Variants in TLL2 observed in about 807,000 individuals in gnomAD.
The protein encoded by TLL2 is tolloid like 2, also known as tolloid-like protein 2.
TLL2 carries 106 observed loss-of-function variants against 123.0 expected under a neutral mutation model. The ratio of observed to expected loss-of-function variants is 0.86; its 90% CI spans 0.74 to 1.01. TLL2 has a LOEUF of 1.01. Ranked by LOEUF, TLL2 falls within the 50% of genes least tolerant of loss-of-function variation. The pLI is 0.00. For missense variants in TLL2, 1,332 were observed against 1,336.7 expected (o/e 1.00, Z 0.06); for synonymous variants, 494 against 516.8 (o/e 0.96, Z 0.60).
chr10:96,466,875 T>C (rs191877902), intron 2 of TLL2, among the ~76,000 whole-genome samples: 1 of 152,348 alleles, frequency 6.6e-6, no homozygotes, highest in East Asian at 1.9e-4. Flanking sequence ...GGACTCATTC[T>C]TGGACCTCAG....
chr10:96,433,000 G>T (rs979557793), intron 3 of TLL2, 38 bp from the exon 4 acceptor site: 8 of 1,595,126 alleles, frequency 5.0e-6, no homozygotes, highest in Non-Finnish European at 6.9e-6. Flanking sequence ...TTTGCCCTTT[G>T]GTTCCTCCTG....
chr10:96,390,179 A>C (rs764950536), intron 13 of TLL2, among the ~76,000 whole-genome samples: 6 of 152,256 alleles, frequency 3.9e-5, no homozygotes, highest in Admixed American at 6.5e-5. Context: ...GGAAGTAGTT[A>C]GATGATGAGA....
At chr10:96,378,312 A>G (rs1846155651) in intron 17 of TLL2, among the ~76,000 whole-genome samples, 1 of 152,204 alleles carries the variant, frequency 6.6e-6, no homozygotes, top group South Asian at 2.1e-4. Flanking sequence ...GTTTGTCATA[A>G]ATGTTCGAAA....
chr10:96,501,372 T>A (rs1422701379), intron 1 of TLL2, among the ~76,000 whole-genome samples: 1 of 151,988 alleles, frequency 6.6e-6, no homozygotes, highest in Non-Finnish European at 1.5e-5. Context: ...CTTCCCACTT[T>A]CCCTCCCTTC....
chr10:96,414,205 C>T (rs1167617532), intron 7 of TLL2, among the ~76,000 whole-genome samples: 2 of 152,168 alleles, frequency 1.3e-5, no homozygotes, highest in African/African-American at 2.4e-5. Context: ...CTATCTGGGG[C>T]CTCTCCTGGA....
rs1400498743 is a variant in TLL2, at chr10:96,366,729, C to T, written c.*1359G>A. On this transcript the variant is annotated 3_prime_UTR_variant, in exon 21 of 21. Transcript: ENST00000357947. Reference sequence around the variant, plus strand: ...TAACCAAAAACACTCATGTGCCGCCCTGCGTCCAACAACAACCAAACAGGA... The same window carrying T: ...TAACCAAAAACACTCATGTGCCGCCTTGCGTCCAACAACAACCAAACAGGA... The T allele has an allele frequency of 6.6e-6, 1 of 152,522 alleles. No individual in the cohort carries two copies. Among genetic ancestry groups the T allele is most frequent in the African/African-American group, 2.4e-5 (1 of 41,458 alleles). The allele number at this position is 152,522 out of a possible 1,614,324, so 9.4% of individuals were successfully genotyped here. A position where few individuals can be genotyped will look rare whatever the true frequency, so the allele number is the denominator to read the frequency against.
At chr10:96,461,476 T>G (rs1482892008) in intron 2 of TLL2, among the ~76,000 whole-genome samples, 5 of 152,178 alleles carry the variant, frequency 3.3e-5, no homozygotes, top group African/African-American at 1.2e-4. Context: ...GCCCAAGCTC[T>G]GCCTGAATCT....
At chr10:96,503,208 G>A (rs1847550864) in intron 1 of TLL2, among the ~76,000 whole-genome samples, 1 of 152,030 alleles carries the variant, frequency 6.6e-6, no homozygotes, top group South Asian at 2.1e-4. Flanking sequence ...GCCCTGAGAG[G>A]GAGAGATTAG....
At position 96,368,020 on chromosome 10, in the gene TLL2, G is replaced by C; in HGVS notation, c.*68C>G. 1 of 1,587,422 alleles carries C rather than the reference G, an allele frequency of 6.3e-7. No homozygotes were observed. Among genetic ancestry groups the C allele is most frequent in the South Asian group, 1.1e-5 (1 of 88,262 alleles). ...CTGTTTTAGGGCAGATTTTCAAGGT[G>C]CTATTGTTGTTAAAAACAAAACAAA... On this transcript the variant is annotated 3_prime_UTR_variant, in exon 21 of 21. Coordinates refer to ENST00000357947, the MANE Select transcript of TLL2 (RefSeq NM_012465.4).
intron 5 of TLL2, among the ~76,000 whole-genome samples, chr10:96,425,483 G>A (rs986252795): frequency 6.6e-5 from 10 of 151,832 alleles, no homozygotes; most frequent in African/African-American, 2.2e-4. Flanking sequence ...CCCTACATCA[G>A]GAAGCAATAT....
At position 96,513,908 on chromosome 10, in the gene TLL2, C is replaced by G. The variant is rs1847659036; in HGVS notation, c.-223G>C. 1.6e-5 allele frequency: 8 copies of G among 507,602 alleles called. No homozygotes were observed. Among genetic ancestry groups the G allele is most frequent in the Admixed American group, 4.2e-5 (1 of 23,612 alleles). The allele number at this position is 507,602 out of a possible 1,614,324, so 31.4% of individuals were successfully genotyped here. ...GGAGCTACTTGCCCGGCGGCCGAGGCTGCGGCGGCTGCGAGTGTGGCGGTG... is the reference window on the plus strand; with the variant it reads ...GGAGCTACTTGCCCGGCGGCCGAGGGTGCGGCGGCTGCGAGTGTGGCGGTG... On this transcript the variant is annotated 5_prime_UTR_variant, in exon 1 of 21. Coordinates refer to ENST00000357947, the MANE Select transcript of TLL2 (RefSeq NM_012465.4).
intron 2 of TLL2, among the ~76,000 whole-genome samples, chr10:96,476,240 A>ATATATATATATATTC: frequency 2.9e-4 from 6 of 20,494 alleles, no homozygotes; most frequent in Non-Finnish European, 4.0e-4. Flanking sequence ...ATATATATAT[A>ATATATATATATATTC]TTTTATTTTT....
At chr10:96,428,109 G>T (rs1219428092) in intron 5 of TLL2, among the ~76,000 whole-genome samples, 1 of 152,134 alleles carries the variant, frequency 6.6e-6, no homozygotes, top group Non-Finnish European at 1.5e-5. Context: ...TTGGGTTTTT[G>T]ATCCAACATG....
At chr10:96,398,375 C>A (rs984717017) in intron 10 of TLL2, among the ~76,000 whole-genome samples, 1 of 152,086 alleles carries the variant, frequency 6.6e-6, no homozygotes, top group Non-Finnish European at 1.5e-5. Context: ...AGGATAGATG[C>A]CCCCCGCCAC....
Position 96,395,241 on chromosome 10 carries a change from A to G in TLL2, c.1672T>C (p.Phe558Leu). 1.2e-6 allele frequency: 2 copies of G among 1,613,434 alleles called. No homozygotes were observed. The highest frequency in any genetic ancestry group is 1.7e-6 in the Non-Finnish European group (2 of 1,179,820). Residue 558 changes from phenylalanine to leucine, a missense_variant, in exon 13 of 21, where the codon TTT (phenylalanine) becomes CTT (leucine). By Grantham distance (22) the Phe-to-Leu change is conservative. Coordinates refer to ENST00000357947, the MANE Select transcript of TLL2 (RefSeq NM_012465.4). ...KSSSNRLWMK[F>L]VSDGSINKAG... ...TTATTGATAGAGCCATCGGACACAAACTTCATCCACAGTCTGTTGGAGCTC... is the reference window on the plus strand; with the variant it reads ...TTATTGATAGAGCCATCGGACACAAGCTTCATCCACAGTCTGTTGGAGCTC...
chr10:96,441,102 C>A (rs933553357), intron 3 of TLL2, among the ~76,000 whole-genome samples: 3 of 152,224 alleles, frequency 2.0e-5, no homozygotes, highest in Non-Finnish European at 4.4e-5. Context: ...TCTGAAAGAG[C>A]AAAGCGGTTG....
At chr10:96,389,262 G>A (rs1042598891) in intron 13 of TLL2, among the ~76,000 whole-genome samples, 4 of 152,182 alleles carry the variant, frequency 2.6e-5, no homozygotes, top group African/African-American at 9.7e-5. Flanking sequence ...TTTACTTTTA[G>A]GGTTGTGACG....
intron 3 of TLL2, among the ~76,000 whole-genome samples, chr10:96,439,900 G>A (rs775900355): frequency 2.0e-5 from 3 of 151,988 alleles, no homozygotes; most frequent in African/African-American, 7.3e-5. Flanking sequence ...CTCCCTGTAC[G>A]AGCCAACTTT....
chr10:96,399,880 G>A (rs1248999691), intron 10 of TLL2, among the ~76,000 whole-genome samples: 1 of 152,152 alleles, frequency 6.6e-6, no homozygotes, highest in Non-Finnish European at 1.5e-5. Context: ...GATGAACCAC[G>A]CACCACCCAA....
Sources: allele counts gnomAD v4.1 joint callset (sites outside exome capture counted in the v4.1 genomes callset), GRCh38; gene constraint gnomAD v4.1.1; transcripts MANE v1.5; gene names NCBI Gene and HGNC (gene_info 2026-07-23, HGNC 2026-07-21).